The following STAU1 variants were observed in gnomAD, a reference collection of about 807,000 sequenced individuals.
STAU1 encodes the protein double-stranded RNA-binding protein Staufen homolog 1.
Under a neutral mutation model 62.9 loss-of-function variants are expected in STAU1, and 13 were observed. The observed-to-expected ratio is 0.21, with a 90% CI of 0.13 to 0.33. The LOEUF is 0.33. Ranked by LOEUF, STAU1 falls within the 10% of genes least tolerant of loss-of-function variation. The pLI is 1.00. For synonymous variants in STAU1, 269 were observed against 265.1 expected, an observed-to-expected ratio of 1.01 and a Z score of -0.14; for missense variants, 571 against 712.1, an observed-to-expected ratio of 0.80 and a Z score of 2.25.
At chr20:49,130,063 CACA>C (rs1345097847) in intron 6 of STAU1, among the ~76,000 whole-genome samples, 6 of 150,884 alleles carry the variant, frequency 4.0e-5, no homozygotes, top group African/African-American at 7.3e-5. Flanking sequence ...ACCAAAAACT[CACA>C]ACAATACAAA....
At position 49,135,101 on chromosome 20, in the gene STAU1, C is replaced by T. The variant is rs2092847615; in HGVS notation, c.609+732G>A. 6 of 924,356 alleles carry T rather than the reference C, an allele frequency of 6.5e-6. No individual in the cohort carries two copies. The Admixed American group carries it at 7.4e-5, about 11-fold the overall frequency. 57.3% of individuals were successfully genotyped at this position (924,356 alleles called of 1,614,324 possible). A position where few individuals can be genotyped will look rare whatever the true frequency, so the allele number is the denominator to read the frequency against. On this transcript the variant is annotated intron_variant, in intron 6 of 13. Coordinates refer to ENST00000371856, the MANE Select transcript of STAU1 (RefSeq NM_017453.4). ...CACAATCTTTTGCCTTTATTCGTAA[C>T]GTTTTATATAGAAGAGAGAAGAGCA...
At chr20:49,136,023 G>T in intron 5 of STAU1, 92 bp from the exon 6 acceptor site, 1 of 957,836 alleles carries the variant, frequency 1.0e-6, no homozygotes. Context: ...CACTTTGAAG[G>T]CTAAGGCAGG....
intron 3 of STAU1, among the ~76,000 whole-genome samples, chr20:49,163,419 C>CTTTTTT (rs200864480): frequency 1.0e-3 from 86 of 82,416 alleles, no homozygotes; most frequent in East Asian, 1.5e-3. Context: ...GTGTTTAAAC[C>CTTTTTT]TTTTTTTTTT....
chr20:49,210,398 G>A, the STAU1 span: 5 of 455,476 alleles, frequency 1.1e-5, no homozygotes, highest in African/African-American at 1.0e-4. Context: ...TCATTCCAGG[G>A]GGCAAATGTG....
At chr20:49,180,132 G>A (rs2093705213) in intron 1 of STAU1, among the ~76,000 whole-genome samples, 1 of 152,216 alleles carries the variant, frequency 6.6e-6, no homozygotes, top group African/African-American at 2.4e-5. Context: ...ACAGGAAGCT[G>A]TACTAAATAC....
intron 5 of STAU1, among the ~76,000 whole-genome samples, chr20:49,136,444 G>A (rs2092885312): frequency 6.6e-6 from 1 of 152,154 alleles, no homozygotes; most frequent in Non-Finnish European, 1.5e-5. Context: ...TGTCAAGTTT[G>A]AGTCAAATTG....
the STAU1 span, among the ~76,000 whole-genome samples, chr20:49,207,692 T>TA: frequency 1.0e-4 from 2 of 20,006 alleles, no homozygotes; most frequent in Non-Finnish European, 2.3e-4. Flanking sequence ...ATTTTTTGTA[T>TA]TTTTTTTTTA....
Position 49,166,274 on chromosome 20 carries a change from C to G in STAU1, c.-73G>C, listed in dbSNP as rs2093525218. ...GCAGGTTAATTCAGTGCTATGAAGT[C>G]TAAAGTTCTACCTAAAAGTTGTAAG... On this transcript the variant is annotated 5_prime_UTR_variant, in exon 3 of 14. Coordinates refer to ENST00000371856, the MANE Select transcript of STAU1 (RefSeq NM_017453.4). 2 of 1,348,986 alleles carry G rather than the reference C, an allele frequency of 1.5e-6. No individual in the cohort carries two copies. Among genetic ancestry groups the G allele is most frequent in the Non-Finnish European group, 1.0e-6 (1 of 961,162 alleles). 83.6% of individuals were successfully genotyped at this position (1,348,986 alleles called of 1,614,324 possible). A position where few individuals can be genotyped will look rare whatever the true frequency, so the allele number is the denominator to read the frequency against.
At position 49,117,964 on chromosome 20, in the gene STAU1, C is replaced by G. The variant is rs1280079036; in HGVS notation, c.1322G>C (p.Arg441Thr). ...GGCCTTGGCAGGATTCGGAGCTGCCCTGGTAAAATCTTTGGTGTGATGTCC... is the reference window on the plus strand; with the variant it reads ...GGCCTTGGCAGGATTCGGAGCTGCCGTGGTAAAATCTTTGGTGTGATGTCC... ...SQGHHTKDFT[R>T]AAPNPAKATV... The change falls in exon 11 of 14, where the codon AGG (arginine) becomes ACG (threonine). Residue 441 changes from arginine to threonine, a missense_variant. Arg to Thr is a moderately conservative substitution (Grantham distance 71). Transcript: ENST00000371856. This position sits in a 1 kb window ranked among gnomAD's most constrained non-coding sequence, Gnocchi z 4.6. The G allele has an allele frequency of 6.2e-7, 1 of 1,614,148 alleles. No homozygotes were observed. The highest frequency in any genetic ancestry group is 1.7e-5 in the Admixed American group (1 of 60,012).
rs770954535 is a variant in STAU1, at chr20:49,166,061, T to C, written c.141A>G (p.Ala47=). 36 of 1,614,080 alleles carry C rather than the reference T, an allele frequency of 2.2e-5. No homozygotes were observed. Among genetic ancestry groups the C allele is most frequent in the Non-Finnish European group, 2.9e-5 (34 of 1,180,040 alleles). Residue 47 remains alanine (A), a synonymous_variant, in exon 3 of 14, where the codon GCA becomes GCG. Transcript: ENST00000371856. The part of the protein sequence containing the change: ...STTSSLPSEN[A]GRPIQNSALP... ...AAGCAGAGTTTTGAATGGGTCTACC[T>C]GCATTTTCAGAGGGCAGAGAGCTAG... is the stretch of plus-strand genomic sequence containing the variant.
At chr20:49,158,295 A>G in intron 3 of STAU1, 1 of 603,728 alleles carries the variant, frequency 1.7e-6, no homozygotes, top group Non-Finnish European at 2.5e-6. Context: ...AAAAAAAGAA[A>G]AAATTAATTG....
At chr20:49,180,159 C>T (rs528233388) in intron 1 of STAU1, among the ~76,000 whole-genome samples, 1 of 152,262 alleles carries the variant, frequency 6.6e-6, no homozygotes, top group Admixed American at 6.5e-5. Flanking sequence ...CAGTATTAGC[C>T]ACAAGAGGGA....
the STAU1 span, among the ~76,000 whole-genome samples, chr20:49,200,691 AC>A: frequency 6.6e-6 from 1 of 151,922 alleles, no homozygotes; most frequent in African/African-American, 2.4e-5. Context: ...AAAAACTTAG[AC>A]CCAAAAGCCC....
intron 6 of STAU1, among the ~76,000 whole-genome samples, chr20:49,125,303 T>C (rs1488442883): frequency 1.6e-5 from 2 of 128,112 alleles, no homozygotes; most frequent in Non-Finnish European, 3.2e-5. Flanking sequence ...CCAAAGCGGG[T>C]GGATCACTTG....
chr20:49,217,075 C>T, the STAU1 span, among the ~76,000 whole-genome samples: 1 of 152,078 alleles, frequency 6.6e-6, no homozygotes, highest in Non-Finnish European at 1.5e-5. Flanking sequence ...GAGAATGAGG[C>T]GCTGCTCAGC....
intron 6 of STAU1, chr20:49,135,067 C>A (rs2092846272): frequency 2.5e-6 from 3 of 1,184,834 alleles, no homozygotes; most frequent in Non-Finnish European, 3.8e-6. Context: ...CATTTTCCAG[C>A]AAGATGTACA....
intron 13 of STAU1, among the ~76,000 whole-genome samples, chr20:49,115,309 G>GT (rs1010970363): frequency 1.9e-4 from 29 of 150,544 alleles, no homozygotes; most frequent in South Asian, 6.3e-4. Flanking sequence ...AGGTTTTTTT[G>GT]TTTTTTTTTG....
intron 1 of STAU1, among the ~76,000 whole-genome samples, chr20:49,182,793 C>T (rs1272455199): frequency 1.4e-5 from 2 of 144,426 alleles, no homozygotes; most frequent in African/African-American, 5.2e-5. Flanking sequence ...GAGCCGAGAT[C>T]ACACCACTGC....
At chr20:49,134,300 G>A (rs1242311063) in intron 6 of STAU1, among the ~76,000 whole-genome samples, 2 of 151,852 alleles carry the variant, frequency 1.3e-5, no homozygotes, top group Non-Finnish European at 2.9e-5. Context: ...GCATGGTGGC[G>A]TATGCCTGTA....
Sources: allele counts gnomAD v4.1 joint callset (sites outside exome capture counted in the v4.1 genomes callset), GRCh38; gene constraint gnomAD v4.1.1; non-coding constraint Gnocchi (gnomAD v3.1); transcripts MANE v1.5; gene names NCBI Gene and HGNC (gene_info 2026-07-23, HGNC 2026-07-21).